LAMA2: variants seen among roughly 807,000 people sequenced by gnomAD.
LAMA2 encodes laminin subunit alpha 2, also known as laminin subunit alpha-2.
A neutral mutation model predicts 364.8 loss-of-function variants in LAMA2; 269 were observed. The ratio of observed to expected loss-of-function variants is 0.74; its 90% CI spans 0.67 to 0.82. The LOEUF (loss-of-function observed/expected upper bound fraction) is 0.82. Ranked by LOEUF, LAMA2 falls within the 40% of genes least tolerant of loss-of-function variation. The pLI, the probability that LAMA2 is intolerant of heterozygous loss-of-function variation, is 0.00. For synonymous variants in LAMA2, 1,379 were observed against 1,370.6 expected (o/e 1.01, Z -0.14); for missense variants, 3,807 against 3,873.2 (o/e 0.98, Z 0.45).
intron 1 of LAMA2, among the ~76,000 whole-genome samples, chr6:128,941,960 GATAACACTATCTAA>G (rs1780188056): frequency 6.6e-6 from 1 of 152,092 alleles, no homozygotes; most frequent in Non-Finnish European, 1.5e-5. Flanking sequence ...AGGATCTTTA[GATAACACTATCTAA>G]ATTTAGCTGT....
Position 129,514,506 on chromosome 6 carries a change from T to C in LAMA2, c.9122T>C (p.Val3041Ala). ...ATCAAACACCGCATTGAGCTCACAG[T>C]CGATGGGAACCAGGTGGAAGCCCAA... ...NKIKHRIELT[V>A]DGNQVEAQSP... Residue 3041 changes from valine (V) to alanine (A), a missense_variant, in exon 64 of 65, where the codon GTC becomes GCC. By Grantham distance (64) the Val-to-Ala change is moderately conservative. Transcript: ENST00000421865. The C allele has an allele frequency of 6.2e-7, 1 of 1,614,086 alleles. No individual in the cohort carries two copies. The highest frequency in any genetic ancestry group is 1.1e-5 in the South Asian group (1 of 91,084).
At chr6:129,498,966 A>G (rs960511755) in intron 58 of LAMA2, among the ~76,000 whole-genome samples, 2 of 152,176 alleles carry the variant, frequency 1.3e-5, no homozygotes, top group African/African-American at 4.8e-5. Flanking sequence ...CCCGTTACCA[A>G]TTTGGTGCAC....
chr6:129,293,723 C>T (rs1699220925), intron 20 of LAMA2, among the ~76,000 whole-genome samples: 3 of 151,264 alleles, frequency 2.0e-5, no homozygotes, highest in Non-Finnish European at 4.4e-5. Context: ...GAGTAGGAGA[C>T]AAGACTTACC....
Position 129,149,114 on chromosome 6 carries a change from C to A in LAMA2, c.1027+18C>A. On this transcript the variant is annotated intron_variant, in intron 7 of 64. Transcript: ENST00000421865. ...ATGTGAAGGTATGTTCTTTAGAAGC[C>A]AACAAAATATGTCATTCTTCCTTTC... 1 of 1,395,742 alleles carries A rather than the reference C, an allele frequency of 7.2e-7. No individual in the cohort carries two copies. The highest frequency in any genetic ancestry group is 1.0e-6 in the Non-Finnish European group (1 of 981,140). The allele number at this position is 1,395,742 out of a possible 1,614,324, so 86.5% of individuals were successfully genotyped here. A position where few individuals can be genotyped will look rare whatever the true frequency, so the allele number is the denominator to read the frequency against.
chr6:129,349,655 A>G (rs1489082041), intron 31 of LAMA2, among the ~76,000 whole-genome samples: 1 of 151,064 alleles, frequency 6.6e-6, no homozygotes, highest in East Asian at 1.9e-4. Context: ...ATATAATTTT[A>G]TATGTAAATA....
intron 1 of LAMA2, among the ~76,000 whole-genome samples, chr6:128,905,237 C>T (rs940437733): frequency 3.3e-5 from 5 of 152,068 alleles, no homozygotes; most frequent in African/African-American, 9.7e-5. Flanking sequence ...AAATGATGTA[C>T]GTGTTTATTT....
rs1258407314 is a variant in LAMA2 at position 129,312,866 on chromosome 6, TA to T, written c.3182del (p.Asn1061ThrfsTer14). 3.1e-6 allele frequency: 5 copies of T among 1,612,578 alleles called. No individual in the cohort carries two copies. Among genetic ancestry groups the T allele is most frequent in the Non-Finnish European group, 4.2e-6 (5 of 1,178,592 alleles). ...TGTTTTTATCTCCTCTATAGGCTTGTAACTGCAGCACAGTGGGATCCTTGGA... is the reference window on the plus strand; with the variant it reads ...TGTTTTTATCTCCTCTATAGGCTTGTACTGCAGCACAGTGGGATCCTTGGA... ...HSITTGCKAC[N>X]CSTVGSLDFQ... On this transcript the variant is annotated frameshift_variant, in exon 23 of 65. Coordinates refer to ENST00000421865, the MANE Select transcript of LAMA2 (RefSeq NM_000426.4). LOFTEE classifies it high-confidence loss of function.
chr6:129,340,814 C>A (rs1346728804), intron 29 of LAMA2, among the ~76,000 whole-genome samples: 1 of 119,346 alleles, frequency 8.4e-6, no homozygotes, highest in Non-Finnish European at 1.6e-5. Flanking sequence ...CCAGCCTGGG[C>A]GACAGAGCTC....
chr6:129,256,504 A>C (rs1356062315), intron 14 of LAMA2, among the ~76,000 whole-genome samples: 1 of 152,024 alleles, frequency 6.6e-6, no homozygotes, highest in African/African-American at 2.4e-5. Context: ...ATACATATAC[A>C]TACTGTACAT....
rs758120956 is a variant in LAMA2 at position 129,165,584 on chromosome 6, A to C, written c.1215A>C (p.Pro405=). 1 of 1,609,774 alleles carries C rather than the reference A, an allele frequency of 6.2e-7. No individual in the cohort carries two copies. The highest frequency in any genetic ancestry group is 1.1e-5 in the South Asian group (1 of 90,770). Residue 405 remains proline, a synonymous_variant, in exon 9 of 65, where the codon CCA becomes CCC. Coordinates refer to ENST00000421865, the MANE Select transcript of LAMA2 (RefSeq NM_000426.4). ...DGFFRPKGVS[P]NYPRPCQPCH... ...TTTAATATTTTTGTTAGGTATCTCC[A>C]AATTATCCAAGGCCATGCCAGCCAT...
intron 12 of LAMA2, among the ~76,000 whole-genome samples, chr6:129,223,161 A>G (rs1013749857): frequency 6.6e-6 from 1 of 151,948 alleles, no homozygotes; most frequent in African/African-American, 2.4e-5. Flanking sequence ...GTGTCTGTTC[A>G]TATCCTTTGC....
At chr6:129,051,774 G>C (rs1262172616) in intron 2 of LAMA2, among the ~76,000 whole-genome samples, 1 of 150,740 alleles carries the variant, frequency 6.6e-6, no homozygotes, top group Non-Finnish European at 1.5e-5. Context: ...TTAGTTTCAG[G>C]TTCATTAGGC....
intron 4 of LAMA2, among the ~76,000 whole-genome samples, chr6:129,137,266 A>G (rs945225471): frequency 2.6e-5 from 4 of 152,222 alleles, no homozygotes; most frequent in African/African-American, 9.6e-5. Flanking sequence ...AAAAAAAAAA[A>G]AGACCTTTAT....
In LAMA2 at chr6:128,929,708, C is replaced by T. The variant is rs528891193; in HGVS notation, c.112+46351C>T. On this transcript the variant is annotated intron_variant, in intron 1 of 64. Coordinates refer to ENST00000421865, the MANE Select transcript of LAMA2 (RefSeq NM_000426.4). Reference sequence around the variant, plus strand: ...AATCAAGGGCAATCACCCGATGAAACCTCAAGGTCAGACCTTCCCAATTCT... The same window carrying T: ...AATCAAGGGCAATCACCCGATGAAATCTCAAGGTCAGACCTTCCCAATTCT... 6 of 1,400,450 alleles carry T rather than the reference C, an allele frequency of 4.3e-6. No individual in the cohort carries two copies. In the Admixed American group the frequency reaches 5.0e-5, roughly 12 times the overall value. The allele number at this position is 1,400,450 out of a possible 1,614,324, so 86.8% of individuals were successfully genotyped here.
chr6:129,316,955 A>G (rs115750756), intron 27 of LAMA2, among the ~76,000 whole-genome samples: 2 of 152,370 alleles, frequency 1.3e-5, no homozygotes, highest in African/African-American at 4.8e-5. Context: ...GGAATAACAT[A>G]TTGTCAAAAG....
chr6:129,477,777 T>TAA (rs527464740), intron 53 of LAMA2, among the ~76,000 whole-genome samples: 3 of 151,400 alleles, frequency 2.0e-5, no homozygotes, highest in African/African-American at 7.3e-5. Context: ...ATTAATCTGT[T>TAA]AAAAAAAAAC....
At chr6:129,323,778 C>G (rs1775109322) in intron 28 of LAMA2, among the ~76,000 whole-genome samples, 1 of 152,190 alleles carries the variant, frequency 6.6e-6, no homozygotes, top group South Asian at 2.1e-4. Flanking sequence ...GTGCAGCTCT[C>G]TGCAGTAATA....
Position 129,217,095 on chromosome 6 carries a change from A to G in LAMA2, c.1782+24242A>G, listed in dbSNP as rs143628307. Reference sequence around the variant, plus strand: ...TCCCAGCTACTTGGGAGGCTGAGGCAGGAGAATCGCTTGAACCCAGGAGGC... The same window carrying G: ...TCCCAGCTACTTGGGAGGCTGAGGCGGGAGAATCGCTTGAACCCAGGAGGC... On this transcript the variant is annotated intron_variant, in intron 12 of 64. Coordinates refer to ENST00000421865, the MANE Select transcript of LAMA2 (RefSeq NM_000426.4). Among the ~76,000 whole-genome samples the G allele has an allele frequency of 4.7e-3, 722 of 152,160 alleles. 19 individuals carry two copies. In the East Asian group the frequency reaches 0.077, roughly 16 times the overall value.
rs777540954 is a variant in LAMA2 at position 129,492,386 on chromosome 6, GTGAAGA to G, written c.8156_8161del (p.Glu2719_Asp2720del). 3 of 1,614,100 alleles carry G rather than the reference GTGAAGA, an allele frequency of 1.9e-6. No homozygotes were observed. The African/African-American group carries it at 4.0e-5, about 22-fold the overall frequency. Reference sequence around the variant, plus strand: ...GGTCGCTGTGCCCATCAGAAACTCCGTGAAGATGAAGATGGAGCAGCTCCAGCTGAA... The same window carrying G: ...GGTCGCTGTGCCCATCAGAAACTCCGTGAAGATGGAGCAGCTCCAGCTGAA... On this transcript the variant is annotated inframe_deletion, in exon 58 of 65. Coordinates refer to ENST00000421865, the MANE Select transcript of LAMA2 (RefSeq NM_000426.4).
Sources: allele counts gnomAD v4.1 joint callset (sites outside exome capture counted in the v4.1 genomes callset), GRCh38; gene constraint gnomAD v4.1.1; transcripts MANE v1.5; gene names NCBI Gene and HGNC (gene_info 2026-07-23, HGNC 2026-07-21).